Variants in FAM204A observed in about 807,000 individuals in gnomAD.
FAM204A encodes the protein protein FAM204A.
Under a neutral mutation model 35.4 loss-of-function variants are expected in FAM204A, and 16 were observed. The ratio of observed to expected loss-of-function variants is 0.45; its 90% CI spans 0.31 to 0.69. The LOEUF is 0.69. Ranked by LOEUF, FAM204A falls within the 30% of genes least tolerant of loss-of-function variation. The pLI is 0.07. For missense variants in FAM204A, 240 were observed against 265.7 expected (o/e 0.90, Z 0.67); for synonymous variants, 76 against 86.9 (o/e 0.88, Z 0.70).
In FAM204A at chr10:118,336,026, A is replaced by C. The variant is rs557310227; in HGVS notation, c.234+156T>G. 6.3e-6 allele frequency: 5 copies of C among 792,486 alleles called. No individual in the cohort carries two copies. The African/African-American group carries it at 8.8e-5, about 14-fold the overall frequency. The allele number at this position is 792,486 out of a possible 1,614,324, so 49.1% of individuals were successfully genotyped here. On this transcript the variant is annotated intron_variant, in intron 3 of 8. Coordinates refer to ENST00000369183, the MANE Select transcript of FAM204A (RefSeq NM_022063.3). ...AAAACAAAATAAACGCAAGTATCTA[A>C]GTGGCCGATGCCTCAGAGAACAGTA... is the stretch of plus-strand genomic sequence containing the variant.
intron 7 of FAM204A, among the ~76,000 whole-genome samples, chr10:118,320,102 T>C (rs1367527851): frequency 6.6e-6 from 1 of 151,918 alleles, no homozygotes; most frequent in Non-Finnish European, 1.5e-5. Flanking sequence ...TTTTTATCTA[T>C]AGCAGGCTAA....
chr10:118,333,322 T>C (rs1393372164), intron 6 of FAM204A, among the ~76,000 whole-genome samples: 1 of 152,240 alleles, frequency 6.6e-6, no homozygotes, highest in Non-Finnish European at 1.5e-5. Flanking sequence ...AACAAAATAG[T>C]GGATGGAAAT....
chr10:118,331,843 T>TTA (rs55733401), intron 6 of FAM204A, among the ~76,000 whole-genome samples: 45,543 of 142,158 alleles, frequency 0.32, 7,438 homozygotes, highest in South Asian at 0.43. Context: ...TTTGTTACCT[T>TTA]TATATATATA....
In FAM204A at chr10:118,308,533, C is replaced by T. The variant is rs558932447; in HGVS notation, c.*2324G>A. ...GACAACCTGTCCCCACAAATCTTCCCTCCAACCCCTTCTTCTGCTACACAT... is the reference window on the plus strand; with the variant it reads ...GACAACCTGTCCCCACAAATCTTCCTTCCAACCCCTTCTTCTGCTACACAT... On this transcript the variant is annotated 3_prime_UTR_variant, in exon 9 of 9. Transcript: ENST00000369183. 1 of 152,210 alleles carries T rather than the reference C, an allele frequency of 6.6e-6. No homozygotes were observed. Among genetic ancestry groups the T allele is most frequent in the Admixed American group, 6.5e-5 (1 of 15,286 alleles). 9.4% of individuals were successfully genotyped at this position (152,210 alleles called of 1,614,324 possible).
At chr10:118,328,697 T>C (rs1461748690) in intron 6 of FAM204A, among the ~76,000 whole-genome samples, 3 of 152,258 alleles carry the variant, frequency 2.0e-5, no homozygotes, top group Admixed American at 1.3e-4. Flanking sequence ...TTCACCATGC[T>C]GGCCAGGATG....
chr10:118,322,970 T>C (rs984905942), intron 7 of FAM204A, among the ~76,000 whole-genome samples: 7 of 152,116 alleles, frequency 4.6e-5, no homozygotes, highest in African/African-American at 7.2e-5. Flanking sequence ...TGGACAGTTG[T>C]GCACGGATCA....
intron 6 of FAM204A, among the ~76,000 whole-genome samples, chr10:118,327,558 C>T (rs1232045487): frequency 6.6e-6 from 1 of 152,162 alleles, no homozygotes; most frequent in African/African-American, 2.4e-5. Context: ...TGATCATCTA[C>T]CAGTCTCCAG....
chr10:118,311,409 A>G, intron 7 of FAM204A, 96 bp from the exon 8 acceptor site: 4 of 954,166 alleles, frequency 4.2e-6, no homozygotes, highest in Non-Finnish European at 6.3e-6. Flanking sequence ...TGTGGGTAAG[A>G]AAGCCATGTC....
chr10:118,322,803 GTGT>G (rs768939027), intron 7 of FAM204A, among the ~76,000 whole-genome samples: 97 of 152,124 alleles, frequency 6.4e-4, no homozygotes, highest in African/African-American at 1.7e-3. Flanking sequence ...AATATAAAGG[GTGT>G]TGTTGTTTTT....
At chr10:118,341,312 G>A (rs1370579494) in intron 2 of FAM204A, among the ~76,000 whole-genome samples, 1 of 152,106 alleles carries the variant, frequency 6.6e-6, no homozygotes, top group African/African-American at 2.4e-5. Flanking sequence ...AACTTCGTCT[G>A]ATCTAAAATT....
rs774827136 is a variant in FAM204A, at chr10:118,326,204, A to T, written c.493T>A (p.Trp165Arg). 1 of 1,613,752 alleles carries T rather than the reference A, an allele frequency of 6.2e-7. No individual in the cohort carries two copies. The change falls in exon 7 of 9, where the codon TGG (tryptophan) becomes AGG (arginine). Residue 165 changes from tryptophan (W) to arginine (R), a missense_variant. Trp to Arg is a moderately radical substitution (Grantham distance 101). Around this residue, in one of 2 missense-constraint regions of FAM204A, gnomAD observed 232 missense variants for 242.8 expected, o/e 0.96. Transcript: ENST00000369183. ...AGTTCCTCAGCCTTCTCAATATTCC[A>T]CTCCTCCACAGCCTGGTCTATCCTC... ...EKRIDQAVEE[W>R]NIEKAEELSN...
At chr10:118,319,847 G>C (rs999637205) in intron 7 of FAM204A, among the ~76,000 whole-genome samples, 1 of 151,892 alleles carries the variant, frequency 6.6e-6, no homozygotes, top group East Asian at 1.9e-4. Flanking sequence ...GTTACAACAT[G>C]AAGTTCTGGT....
At chr10:118,316,230 A>T (rs1846028570) in intron 7 of FAM204A, among the ~76,000 whole-genome samples, 2 of 152,194 alleles carry the variant, frequency 1.3e-5, no homozygotes, top group African/African-American at 4.8e-5. Context: ...ATTGATTTTT[A>T]AAAAACAGCT....
intron 7 of FAM204A, among the ~76,000 whole-genome samples, chr10:118,313,477 G>C (rs1344987485): frequency 1.3e-5 from 2 of 152,174 alleles, no homozygotes; most frequent in African/African-American, 4.8e-5. Context: ...TGGAAATGTG[G>C]AGGTACAGCA....
In FAM204A at chr10:118,305,597, T is replaced by C. The variant is rs1278901822; in HGVS notation, c.*5260A>G. The C allele has an allele frequency of 6.6e-6, 1 of 152,210 alleles. No individual in the cohort carries two copies. Among genetic ancestry groups the C allele is most frequent in the African/African-American group, 2.4e-5 (1 of 41,452 alleles). 9.4% of individuals were successfully genotyped at this position (152,210 alleles called of 1,614,324 possible). A position where few individuals can be genotyped will look rare whatever the true frequency, so the allele number is the denominator to read the frequency against. ...TACTCAGGTAACTAAAATTTTTAAG[T>C]CTACATTACTTCTTATATGTAGATT... On this transcript the variant is annotated 3_prime_UTR_variant, in exon 9 of 9. Transcript: ENST00000369183.
chr10:118,335,785 C>G (rs995044077), intron 3 of FAM204A, 144 bp from the exon 4 acceptor site: 52 of 662,486 alleles, frequency 7.8e-5, no homozygotes, highest in Non-Finnish European at 1.1e-4. Flanking sequence ...TTGAGATGCT[C>G]TATTCTCTGA....
intron 6 of FAM204A, among the ~76,000 whole-genome samples, chr10:118,326,640 T>A (rs1426967115): frequency 6.6e-6 from 1 of 152,178 alleles, no homozygotes; most frequent in Admixed American, 6.5e-5. Context: ...AATAATGCTA[T>A]CCTGTTTTAA....
rs1845892490 is a variant in FAM204A, at chr10:118,308,011, T to C, written c.*2846A>G. 1 of 152,220 alleles carries C rather than the reference T, an allele frequency of 6.6e-6. No individual in the cohort carries two copies. Among genetic ancestry groups the C allele is most frequent in the Non-Finnish European group, 1.5e-5 (1 of 68,040 alleles). 9.4% of individuals were successfully genotyped at this position (152,220 alleles called of 1,614,324 possible). On this transcript the variant is annotated 3_prime_UTR_variant, in exon 9 of 9. Transcript: ENST00000369183. ...TAATTATAGCAAACCTAAGATTATA[T>C]ATTCAATCTCTCCTTTCGGTGAAAG...
At position 118,300,131 on chromosome 10, in the gene FAM204A, CTA is replaced by C. The variant is rs1230731790; in HGVS notation, c.*10724_*10725del. ...AATGGAAGTGTTTAAGCAGGGTCCT[CTA>C]GAAGGAAAAGTTCAGGTGGTTTCTG... On this transcript the variant is annotated 3_prime_UTR_variant, in exon 9 of 9. Transcript: ENST00000369183. 6.6e-6 allele frequency: 1 copy of C among 152,066 alleles called. No homozygotes were observed. Among genetic ancestry groups the C allele is most frequent in the Non-Finnish European group, 1.5e-5 (1 of 68,026 alleles). 9.4% of individuals were successfully genotyped at this position (152,066 alleles called of 1,614,324 possible).
Sources: allele counts gnomAD v4.1 joint callset (sites outside exome capture counted in the v4.1 genomes callset), GRCh38; gene constraint gnomAD v4.1.1; regional missense constraint gnomAD v4.1.1; transcripts MANE v1.5; gene names NCBI Gene and HGNC (gene_info 2026-07-23, HGNC 2026-07-21).